Variants in TEX10 observed in about 807,000 individuals in gnomAD.
The protein encoded by TEX10 is testis-expressed protein 10.
A neutral mutation model predicts 104.4 loss-of-function variants in TEX10; 24 were observed. That is an observed-to-expected ratio of 0.23 (90% confidence interval 0.17 to 0.32). The LOEUF is 0.32. Ranked by LOEUF, TEX10 falls within the 10% of genes least tolerant of loss-of-function variation. The pLI is 1.00. For missense variants in TEX10, 921 were observed against 1,083.9 expected, an observed-to-expected ratio of 0.85 and a Z score of 2.11; for synonymous variants, 396 against 393.4, an observed-to-expected ratio of 1.01 and a Z score of -0.08.
chr9:100,324,903 T>C (rs1834663938), intron 9 of TEX10, among the ~76,000 whole-genome samples: 1 of 152,126 alleles, frequency 6.6e-6, no homozygotes, highest in African/African-American at 2.4e-5. Context: ...CAAAACAAAG[T>C]GCAGTTTTTT....
chr9:100,302,978 T>G (rs1365402261), intron 14 of TEX10, among the ~76,000 whole-genome samples: 1 of 142,758 alleles, frequency 7.0e-6, no homozygotes, highest in Non-Finnish European at 1.5e-5. Flanking sequence ...AACAGAGCTG[T>G]CCCGGCCAAA....
intron 5 of TEX10, among the ~76,000 whole-genome samples, chr9:100,332,744 C>G (rs532775053): frequency 6.6e-6 from 1 of 152,040 alleles, no homozygotes; most frequent in African/African-American, 2.4e-5. Context: ...TAGCGTGAAC[C>G]CGGGAGGTGG....
intron 6 of TEX10, 74 bp from the exon 7 acceptor site, chr9:100,329,349 C>T: frequency 6.5e-7 from 1 of 1,530,964 alleles, no homozygotes; most frequent in Non-Finnish European, 8.7e-7. Flanking sequence ...TCTGAATGCA[C>T]CGAAGTACTT....
intron 13 of TEX10, chr9:100,306,116 G>GTTTTGT (rs1834137195): frequency 6.6e-6 from 1 of 152,026 alleles, no homozygotes; most frequent in Non-Finnish European, 1.5e-5. Flanking sequence ...GAAAACAAAA[G>GTTTTGT]TTGATGAAAT....
Position 100,340,326 on chromosome 9 carries a change from T to C in TEX10, c.1181A>G (p.His394Arg), listed in dbSNP as rs773143500. Residue 394 changes from histidine (H) to arginine (R), a missense_variant, in exon 5 of 15, where the codon CAT becomes CGT. Transcript: ENST00000374902. Reference sequence around the variant, plus strand: ...GACATATGGAAAACGACTCATAAAATGGTGTTTAAAATCAATAAGGTAGTT... The same window carrying C: ...GACATATGGAAAACGACTCATAAAACGGTGTTTAAAATCAATAAGGTAGTT... ...RKNYLIDFKH[H>R]FMSRFPYVLK... 2 of 1,573,544 alleles carry C rather than the reference T, an allele frequency of 1.3e-6. No homozygotes were observed. Among genetic ancestry groups the C allele is most frequent in the South Asian group, 1.2e-5 (1 of 82,746 alleles).
At position 100,349,240 on chromosome 9, in the gene TEX10, C is replaced by G; in HGVS notation, c.124G>C (p.Glu42Gln). The G allele has an allele frequency of 1.9e-6, 3 of 1,594,036 alleles. No individual in the cohort carries two copies. Among genetic ancestry groups the G allele is most frequent in the Non-Finnish European group, 2.6e-6 (3 of 1,173,696 alleles). ...NFKTKTIHLP[E>Q]QLKEDGTLPT... ...AGTGTTCCATCCTCTTTGAGTTGCT[C>G]AGGCAGATGTATAGTCTTTGTTTTA... The change falls in exon 2 of 15, where the codon GAG becomes CAG. Residue 42 changes from glutamate to glutamine, a missense_variant. Physicochemically the swap from Glu to Gln is conservative, Grantham distance 29. This residue lies in a region of TEX10 where 118 missense variants were observed against 111.3 expected (regional missense o/e 1.06). Transcript: ENST00000374902.
In TEX10 at chr9:100,346,718, T is replaced by C. The variant is rs368654958; in HGVS notation, c.869A>G (p.Asn290Ser). The C allele has an allele frequency of 1.2e-6, 2 of 1,613,336 alleles. No individual in the cohort carries two copies. Among genetic ancestry groups the C allele is most frequent in the Admixed American group, 3.3e-5 (2 of 59,970 alleles). ...QVYENGGSQPNVSSQFRLRYL... is the reference protein window; with the variant it reads ...QVYENGGSQPSVSSQFRLRYL... ...CCGTAGCCTGAACTGTGAACTGACATTTGGCTGTGAACCCCCATTTTCATA... is the reference window on the plus strand; with the variant it reads ...CCGTAGCCTGAACTGTGAACTGACACTTGGCTGTGAACCCCCATTTTCATA... Residue 290 changes from asparagine to serine, a missense_variant, in exon 3 of 15, where the codon AAT becomes AGT. This residue lies in a region of TEX10 where 753 missense variants were observed against 868.4 expected (regional missense o/e 0.87). Coordinates refer to ENST00000374902, the MANE Select transcript of TEX10 (RefSeq NM_017746.4).
chr9:100,304,318 C>T (rs1008015294), intron 13 of TEX10: 3 of 208,202 alleles, frequency 1.4e-5, no homozygotes, highest in African/African-American at 7.0e-5. Context: ...AACCTGACTT[C>T]ACAGTACACT....
rs187687027 is a variant in TEX10, at chr9:100,337,449, T to C, written c.1250+2808A>G. Among the ~76,000 whole-genome samples the C allele has an allele frequency of 3.5e-3, 538 of 152,338 alleles. 1 individual carries two copies. Among genetic ancestry groups the C allele is most frequent in the African/African-American group, 0.012 (510 of 41,576 alleles). ...ACACATACATATAATTCTCCATCAATACTTTGAGAGTTCATGGATTTTCTG... is the reference window on the plus strand; with the variant it reads ...ACACATACATATAATTCTCCATCAACACTTTGAGAGTTCATGGATTTTCTG... On this transcript the variant is annotated intron_variant, in intron 5 of 14. Coordinates refer to ENST00000374902, the MANE Select transcript of TEX10 (RefSeq NM_017746.4).
At chr9:100,319,790 G>C (rs946340120) in intron 11 of TEX10, among the ~76,000 whole-genome samples, 3 of 151,974 alleles carry the variant, frequency 2.0e-5, no homozygotes, top group Non-Finnish European at 4.4e-5. Flanking sequence ...TGGGCAACAA[G>C]AGCAAAACTC....
Position 100,349,213 on chromosome 9 carries a change from G to T in TEX10, c.151C>A (p.Pro51Thr). 1 of 1,551,308 alleles carries T rather than the reference G, an allele frequency of 6.4e-7. No homozygotes were observed. The highest frequency in any genetic ancestry group is 8.6e-7 in the Non-Finnish European group (1 of 1,156,728). Residue 51 changes from proline (P) to threonine (T), a missense_variant, in exon 2 of 15, where the codon CCA becomes ACA. Pro to Thr is a conservative substitution (Grantham distance 38, BLOSUM62 -1). Coordinates refer to ENST00000374902, the MANE Select transcript of TEX10 (RefSeq NM_017746.4). ...PEQLKEDGTL[P>T]TNNRKLNIKD... ...ATGTTAAGTTTTCTATTGTTTGTTGGAAGTGTTCCATCCTCTTTGAGTTGC... is the reference window on the plus strand; with the variant it reads ...ATGTTAAGTTTTCTATTGTTTGTTGTAAGTGTTCCATCCTCTTTGAGTTGC...
At position 100,329,950 on chromosome 9, in the gene TEX10, C is replaced by T. The variant is rs1588177532; in HGVS notation, c.1470G>A (p.Met490Ile). The T allele has an allele frequency of 1.2e-6, 2 of 1,611,890 alleles. No individual in the cohort carries two copies. The highest frequency in any genetic ancestry group is 1.7e-6 in the Non-Finnish European group (2 of 1,178,634). Residue 490 changes from methionine (M) to isoleucine (I), a missense_variant, in exon 6 of 15, where the codon ATG (methionine) becomes ATA (isoleucine). Met to Ile is a conservative substitution (Grantham distance 10). This residue lies in a region of TEX10 where 753 missense variants were observed against 868.4 expected (regional missense o/e 0.87). Transcript: ENST00000374902. ...ACCTACCTCTGTTTGGCTGTATTTG[C>T]ATTAACCTCCAGGATACTCCCAGCA... is the stretch of plus-strand genomic sequence containing the variant. ...NRLLGVSWRLMQIQPNREDTE... is the reference protein window; with the variant it reads ...NRLLGVSWRLIQIQPNREDTE...
chr9:100,332,057 A>G (rs527311255), intron 5 of TEX10, among the ~76,000 whole-genome samples: 1 of 152,340 alleles, frequency 6.6e-6, no homozygotes, highest in African/African-American at 2.4e-5. Context: ...TGTTGAGCCT[A>G]AAGTATCATA....
Position 100,347,421 on chromosome 9 carries a change from A to G in TEX10, c.181-15T>C, listed in dbSNP as rs1213510914. ...GACAGCAAATCCTATAAATAAAAAT[A>G]CAAATTTTAGATGTATACTTATATA... On this transcript the variant is annotated splice_polypyrimidine_tract_variant and intron_variant, in intron 2 of 14. Coordinates refer to ENST00000374902, the MANE Select transcript of TEX10 (RefSeq NM_017746.4). 1.3e-6 allele frequency: 2 copies of G among 1,537,726 alleles called. No homozygotes were observed. The highest frequency in any genetic ancestry group is 1.7e-6 in the Non-Finnish European group (2 of 1,145,550).
intron 11 of TEX10, 140 bp from the exon 12 acceptor site, chr9:100,310,519 AC>A: frequency 1.4e-6 from 1 of 702,390 alleles, no homozygotes; most frequent in Non-Finnish European, 2.3e-6. Flanking sequence ...GCTCACCGCA[AC>A]CCCCGTGACC....
chr9:100,303,489 T>C, intron 14 of TEX10, 143 bp downstream of exon 14: 1 of 680,210 alleles, frequency 1.5e-6, no homozygotes, highest in Non-Finnish European at 2.5e-6. Flanking sequence ...CGGGAGACCC[T>C]GAGAAACTAC....
intron 13 of TEX10, 76 bp from the exon 14 acceptor site, chr9:100,303,918 G>C: frequency 7.3e-7 from 1 of 1,372,950 alleles, no homozygotes; most frequent in Non-Finnish European, 1.0e-6. Flanking sequence ...TTCCCCCAAA[G>C]TGAAATGTCC....
chr9:100,333,956 T>C (rs980642857), intron 5 of TEX10, among the ~76,000 whole-genome samples: 2 of 152,114 alleles, frequency 1.3e-5, no homozygotes, highest in African/African-American at 4.8e-5. Flanking sequence ...GGACTTATGT[T>C]TGACTACAAC....
chr9:100,320,324 G>T lies in TEX10; in HGVS notation c.2143C>A (p.Pro715Thr). The change falls in exon 11 of 15, where the codon CCT becomes ACT. Residue 715 changes from proline (P) to threonine (T), a missense_variant. Coordinates refer to ENST00000374902, the MANE Select transcript of TEX10 (RefSeq NM_017746.4). Reference protein sequence around the residue: ...VPHVIQTQLSPVLLYLTDLDQ... With the variant: ...VPHVIQTQLSTVLLYLTDLDQ... ...AAATCTGTAAGGTAGAGAAGCACAG[G>T]GGAAAGCTGTGTCTGGATGACATGA... 6.2e-7 allele frequency: 1 copy of T among 1,613,322 alleles called. No individual in the cohort carries two copies. The highest frequency in any genetic ancestry group is 8.5e-7 in the Non-Finnish European group (1 of 1,179,538).
Sources: allele counts gnomAD v4.1 joint callset (sites outside exome capture counted in the v4.1 genomes callset), GRCh38; gene constraint gnomAD v4.1.1; regional missense constraint gnomAD v4.1.1; transcripts MANE v1.5; gene names NCBI Gene and HGNC (gene_info 2026-07-23, HGNC 2026-07-21).